The following TCF7L1 variants were observed in gnomAD, a reference collection of about 807,000 sequenced individuals.
The protein encoded by TCF7L1 is transcription factor 7 like 1, also known as transcription factor 7-like 1.
In TCF7L1, 18 loss-of-function variants were observed where a neutral mutation model predicts 63.7. The ratio of observed to expected loss-of-function variants is 0.28; its 90% confidence interval spans 0.20 to 0.42. TCF7L1 has a LOEUF of 0.42. Among genes scored for constraint, TCF7L1 ranks in the 10% least tolerant of loss-of-function variants. The probability of loss-of-function intolerance (pLI) is 1.00; values close to 1 mark genes in which losing one functional copy is unlikely to be tolerated. For synonymous variants in TCF7L1, 355 were observed against 340.9 expected (o/e 1.04, Z -0.46); for missense variants, 654 against 779.3 (o/e 0.84, Z 1.91).
At chr2:85,241,705 A>G (rs1461210379) in intron 3 of TCF7L1, among the ~76,000 whole-genome samples, 4 of 152,066 alleles carry the variant, frequency 2.6e-5, no homozygotes, top group Admixed American at 6.5e-5. Flanking sequence ...TTGGCCTCCT[A>G]AAGTGCTGGG....
chr2:85,233,931 A>G (rs1272862473), intron 3 of TCF7L1: 1 of 152,132 alleles, frequency 6.6e-6, no homozygotes, highest in Non-Finnish European at 1.5e-5. Context: ...TTTCCGTTGT[A>G]TGGATGAACC....
chr2:85,266,594 G>A (rs1179878955), intron 3 of TCF7L1, among the ~76,000 whole-genome samples: 1 of 152,222 alleles, frequency 6.6e-6, no homozygotes, highest in African/African-American at 2.4e-5. Flanking sequence ...CTTGTCCAGG[G>A]CCTTTGTTTC....
At chr2:85,200,582 A>G (rs1483903243) in intron 3 of TCF7L1, among the ~76,000 whole-genome samples, 1 of 152,196 alleles carries the variant, frequency 6.6e-6, no homozygotes, top group Non-Finnish European at 1.5e-5. Flanking sequence ...TCTGGTACAT[A>G]TCAAGCAATT....
At chr2:85,135,278 C>G (rs929629576) in intron 3 of TCF7L1, among the ~76,000 whole-genome samples, 1 of 152,132 alleles carries the variant, frequency 6.6e-6, no homozygotes. Flanking sequence ...GCTGGCGAGG[C>G]CTTTGTGTCC....
At chr2:85,252,798 T>C (rs1680626347) in intron 3 of TCF7L1, among the ~76,000 whole-genome samples, 2 of 152,186 alleles carry the variant, frequency 1.3e-5, no homozygotes, top group Admixed American at 1.3e-4. Context: ...CCAGGGAAAC[T>C]GTTCTGAGCA....
chr2:85,151,720 A>G (rs936723955), intron 3 of TCF7L1, among the ~76,000 whole-genome samples: 3 of 152,244 alleles, frequency 2.0e-5, no homozygotes, highest in Non-Finnish European at 2.9e-5. Context: ...AAGTTTTATT[A>G]GAACACAGCT....
chr2:85,195,610 G>A lies in TCF7L1; in HGVS notation c.441+61160G>A, dbSNP rs939138914. On this transcript the variant is annotated intron_variant, in intron 3 of 11. Coordinates refer to ENST00000282111, the MANE Select transcript of TCF7L1 (RefSeq NM_031283.3). ...TGCCCAAGCTAGAGTGCAGTGATGGGATCATGGCTCACTGCAGCCTCAACC... is the reference window on the plus strand; with the variant it reads ...TGCCCAAGCTAGAGTGCAGTGATGGAATCATGGCTCACTGCAGCCTCAACC... Among the ~76,000 whole-genome samples the A allele has an allele frequency of 3.0e-4, 46 of 152,074 alleles. 1 individual carries two copies. Among genetic ancestry groups the A allele is most frequent in the African/African-American group, 1.0e-3 (43 of 41,486 alleles).
chr2:85,133,695 T>TCGGCGGCGGGGG lies in TCF7L1; in HGVS notation c.21_32dup (p.Gly11_Gly14dup), dbSNP rs1337823672. On this transcript the variant is annotated inframe_insertion, in exon 1 of 12. Coordinates refer to ENST00000282111, the MANE Select transcript of TCF7L1 (RefSeq NM_031283.3). This position sits in a 1 kb window ranked among gnomAD's most constrained non-coding sequence, Gnocchi z 4.4. ...GCCCGCGGCCCCACCATGCCCCAGC[T>TCGGCGGCGGGGG]CGGCGGCGGGGGCGGCGGCGGCGGC... 6 of 996,556 alleles carry TCGGCGGCGGGGG rather than the reference T, an allele frequency of 6.0e-6. No homozygotes were observed. Among genetic ancestry groups the TCGGCGGCGGGGG allele is most frequent in the South Asian group, 4.6e-5 (1 of 21,766 alleles). 61.7% of individuals were successfully genotyped at this position (996,556 alleles called of 1,614,324 possible). A position where few individuals can be genotyped will look rare whatever the true frequency, so the allele number is the denominator to read the frequency against.
At chr2:85,179,312 T>G (rs1678747101) in intron 3 of TCF7L1, among the ~76,000 whole-genome samples, 1 of 152,132 alleles carries the variant, frequency 6.6e-6, no homozygotes, top group African/African-American at 2.4e-5. Context: ...GGAGGAATAG[T>G]TCTCAAATGC....
chr2:85,253,726 G>A (rs910678840), intron 3 of TCF7L1, among the ~76,000 whole-genome samples: 6 of 152,172 alleles, frequency 3.9e-5, no homozygotes, highest in African/African-American at 1.2e-4. Context: ...TACTACCATC[G>A]TAAGAGTTTA....
rs528975709 is a variant in TCF7L1 at position 85,204,297 on chromosome 2, C to T, written c.441+69847C>T. ...TTCTATTTGATAACTTGCTTCCCCC[C>T]CCCCCCCCACTTAATAGGGTATCTC... is the stretch of plus-strand genomic sequence containing the variant. On this transcript the variant is annotated intron_variant, in intron 3 of 11. Transcript: ENST00000282111. Among the ~76,000 whole-genome samples, 2 of 92,570 alleles carry T rather than the reference C, an allele frequency of 2.2e-5. 1 individual carries two copies. The highest frequency in any genetic ancestry group is 4.8e-5 in the Non-Finnish European group (2 of 41,766). 60.7% of individuals were successfully genotyped at this position (92,570 alleles called of 152,430 possible).
intron 3 of TCF7L1, among the ~76,000 whole-genome samples, chr2:85,210,974 G>A (rs573394348): frequency 3.3e-5 from 5 of 152,266 alleles, no homozygotes; most frequent in South Asian, 2.1e-4. Flanking sequence ...ACTGCCTCCC[G>A]TCACACAGCA....
At chr2:85,208,008 G>A (rs904677944) in intron 3 of TCF7L1, among the ~76,000 whole-genome samples, 8 of 152,014 alleles carry the variant, frequency 5.3e-5, no homozygotes, top group South Asian at 4.2e-4. Flanking sequence ...CCGGGTTCAC[G>A]CCATTCTCCT....
At chr2:85,227,882 C>T (rs1226471394) in intron 3 of TCF7L1, among the ~76,000 whole-genome samples, 1 of 150,840 alleles carries the variant, frequency 6.6e-6, no homozygotes, top group Non-Finnish European at 1.5e-5. Flanking sequence ...GTCCCAGCTA[C>T]TCGGGAGGCT....
chr2:85,156,814 G>C (rs1442567927), intron 3 of TCF7L1, among the ~76,000 whole-genome samples: 3 of 152,334 alleles, frequency 2.0e-5, no homozygotes, highest in African/African-American at 4.8e-5. Context: ...TGATGAATAA[G>C]TTCTCAGCTT....
At chr2:85,203,370 A>C (rs1015584996) in intron 3 of TCF7L1, among the ~76,000 whole-genome samples, 4 of 152,200 alleles carry the variant, frequency 2.6e-5, no homozygotes, top group Non-Finnish European at 5.9e-5. Context: ...AGATTAGTTG[A>C]AATGCATGTT....
At chr2:85,168,969 G>A (rs1049515148) in intron 3 of TCF7L1, among the ~76,000 whole-genome samples, 1 of 152,154 alleles carries the variant, frequency 6.6e-6, no homozygotes, top group African/African-American at 2.4e-5. Context: ...CAGGGTTGCT[G>A]CAATCCCAGG....
At chr2:85,155,319 G>C (rs1363079956) in intron 3 of TCF7L1, among the ~76,000 whole-genome samples, 1 of 152,172 alleles carries the variant, frequency 6.6e-6, no homozygotes, top group African/African-American at 2.4e-5. Flanking sequence ...GGGAATAAAA[G>C]CTGGCCACCC....
At chr2:85,245,937 C>T (rs773111627) in intron 3 of TCF7L1, among the ~76,000 whole-genome samples, 2 of 152,236 alleles carry the variant, frequency 1.3e-5, no homozygotes, top group Admixed American at 1.3e-4. Flanking sequence ...AGTGCAGTGC[C>T]GGTTTTGGTC....
Sources: allele counts gnomAD v4.1 joint callset (sites outside exome capture counted in the v4.1 genomes callset), GRCh38; gene constraint gnomAD v4.1.1; non-coding constraint Gnocchi (gnomAD v3.1); transcripts MANE v1.5; gene names NCBI Gene and HGNC (gene_info 2026-07-23, HGNC 2026-07-21).